The following EPHA7 variants were observed in gnomAD, a reference collection of about 807,000 sequenced individuals.
EPHA7 encodes EPH receptor A7, also known as ephrin type-A receptor 7.
A neutral mutation model predicts 112.6 loss-of-function variants in EPHA7; 25 were observed. The observed-to-expected ratio is 0.22, with a 90% CI of 0.16 to 0.31. The LOEUF (loss-of-function observed/expected upper bound fraction) is 0.31. Ranked by LOEUF, EPHA7 falls within the 10% of genes least tolerant of loss-of-function variation. The pLI is 1.00. For synonymous variants in EPHA7, 437 were observed against 406.5 expected, an observed-to-expected ratio of 1.07 and a Z score of -0.90; for missense variants, 962 against 1,212.6, an observed-to-expected ratio of 0.79 and a Z score of 3.07.
Position 93,255,874 on chromosome 6 carries a change from A to T in EPHA7, c.2336T>A (p.Leu779Gln). 1 of 1,614,122 alleles carries T rather than the reference A, an allele frequency of 6.2e-7. No homozygotes were observed. The highest frequency in any genetic ancestry group is 8.5e-7 in the Non-Finnish European group (1 of 1,180,006). The part of the protein sequence containing the change: ...NLVCKVSDFG[L>Q]SRVIEDDPEA... ...TGGATCATCCTCTATAACTCGGGACAGGCCAAAATCTGACACTTTACAAAC... is the reference window on the plus strand; with the variant it reads ...TGGATCATCCTCTATAACTCGGGACTGGCCAAAATCTGACACTTTACAAAC... The change falls in exon 13 of 17, where the codon CTG (leucine) becomes CAG (glutamine). Residue 779 changes from leucine to glutamine, a missense_variant. Transcript: ENST00000369303.
chr6:93,254,370 ATTATCT>A (rs1208907433), intron 14 of EPHA7, among the ~76,000 whole-genome samples: 3 of 152,108 alleles, frequency 2.0e-5, no homozygotes, highest in Non-Finnish European at 4.4e-5. Flanking sequence ...GTGTGGAAAC[ATTATCT>A]TTATTAAGGA....
At chr6:93,373,031 A>G (rs1386276) in intron 3 of EPHA7, among the ~76,000 whole-genome samples, 5,632 of 152,106 alleles carry the variant, frequency 0.037, 200 homozygotes, top group East Asian at 0.17. Context: ...TATGTCTTCA[A>G]CAATTGTCAA....
At chr6:93,405,379 A>T (rs2127991260) in intron 3 of EPHA7, among the ~76,000 whole-genome samples, 1 of 151,934 alleles carries the variant, frequency 6.6e-6, no homozygotes, top group East Asian at 1.9e-4. Flanking sequence ...TATGTAAAAT[A>T]TTTTTTAATT....
At chr6:93,363,890 TA>T (rs1776373891) in intron 3 of EPHA7, among the ~76,000 whole-genome samples, 1 of 152,084 alleles carries the variant, frequency 6.6e-6, no homozygotes, top group Admixed American at 6.6e-5. Context: ...TACAGACACA[TA>T]AAACAACATG....
At chr6:93,376,837 T>C (rs1777083980) in intron 3 of EPHA7, among the ~76,000 whole-genome samples, 1 of 152,176 alleles carries the variant, frequency 6.6e-6, no homozygotes, top group African/African-American at 2.4e-5. Flanking sequence ...CTTTCTTTTC[T>C]TAAGTTCTCA....
At chr6:93,412,709 G>A (rs1779036482) in intron 2 of EPHA7, among the ~76,000 whole-genome samples, 1 of 151,970 alleles carries the variant, frequency 6.6e-6, no homozygotes, top group Non-Finnish European at 1.5e-5. Context: ...TAATTAGATT[G>A]AAATTGCTGA....
chr6:93,352,983 GGCA>G (rs1775770033), intron 5 of EPHA7, among the ~76,000 whole-genome samples: 1 of 151,892 alleles, frequency 6.6e-6, no homozygotes, highest in African/African-American at 2.4e-5. Context: ...ATAACAAATG[GGCA>G]GTAGGCTTAA....
chr6:93,297,102 T>A (rs1457716817), intron 5 of EPHA7, among the ~76,000 whole-genome samples: 2 of 151,982 alleles, frequency 1.3e-5, no homozygotes, highest in Non-Finnish European at 2.9e-5. Flanking sequence ...AATAAAAATA[T>A]AATCATGCTT....
intron 5 of EPHA7, among the ~76,000 whole-genome samples, chr6:93,318,476 A>G (rs1043810269): frequency 6.6e-6 from 1 of 152,130 alleles, no homozygotes; most frequent in African/African-American, 2.4e-5. Flanking sequence ...AATGAGAAAA[A>G]GACAGGTAAT....
intron 3 of EPHA7, among the ~76,000 whole-genome samples, chr6:93,364,493 C>T (rs993238012): frequency 1.0e-4 from 15 of 144,006 alleles, no homozygotes; most frequent in Non-Finnish European, 2.2e-4. Context: ...CACTGCACTC[C>T]ATCCAGCGTG....
intron 5 of EPHA7, among the ~76,000 whole-genome samples, chr6:93,327,832 TAA>T (rs766581003): frequency 1.3e-5 from 2 of 151,538 alleles, no homozygotes; most frequent in East Asian, 3.9e-4. Context: ...TAGCTATTCT[TAA>T]CACAGCAGCG....
chr6:93,398,231 G>T (rs571746578), intron 3 of EPHA7, among the ~76,000 whole-genome samples: 1 of 151,904 alleles, frequency 6.6e-6, no homozygotes, highest in African/African-American at 2.4e-5. Context: ...AACTACTTCA[G>T]CTTTCAGAAA....
intron 9 of EPHA7, chr6:93,260,424 AAGAT>A (rs1770635001): frequency 1.8e-6 from 1 of 551,426 alleles, no homozygotes; most frequent in Non-Finnish European, 2.3e-6. Flanking sequence ...AGACAAAGAT[AAGAT>A]AGATAGGCAT....
At chr6:93,405,799 GTGTGTGTGTGTGTGTATATATA>G (rs1249211946) in intron 3 of EPHA7, among the ~76,000 whole-genome samples, 26 of 68,878 alleles carry the variant, frequency 3.8e-4, no homozygotes, top group African/African-American at 7.1e-4. Context: ...GTGTGTGTGT[GTGTGTGTGTGTGTGTATATATA>G]TATATATATA....
intron 1 of EPHA7, 103 bp downstream of exon 1, chr6:93,419,142 C>T (rs577519966): frequency 8.3e-5 from 77 of 932,736 alleles, no homozygotes; most frequent in Non-Finnish European, 1.0e-4. Flanking sequence ...GAGGGTCGCC[C>T]GGCGCCGGAG....
chr6:93,253,598 C>T (rs1770310915), intron 14 of EPHA7, among the ~76,000 whole-genome samples: 1 of 152,050 alleles, frequency 6.6e-6, no homozygotes, highest in African/African-American at 2.4e-5. Flanking sequence ...AAAACTCCTT[C>T]ATCAATTTGT....
chr6:93,308,917 C>T (rs1773392758), intron 5 of EPHA7, among the ~76,000 whole-genome samples: 2 of 150,832 alleles, frequency 1.3e-5, no homozygotes. Flanking sequence ...AAAGCCCCAA[C>T]TAGTTTGACA....
At chr6:93,257,998 A>T in intron 11 of EPHA7, 101 bp downstream of exon 11, 1 of 1,131,172 alleles carries the variant, frequency 8.8e-7, no homozygotes, top group Non-Finnish European at 1.3e-6. Flanking sequence ...ATTCATTTAG[A>T]CTGTGCAACA....
intron 6 of EPHA7, among the ~76,000 whole-genome samples, chr6:93,271,800 G>C (rs1771234333): frequency 6.6e-6 from 1 of 151,732 alleles, no homozygotes; most frequent in African/African-American, 2.4e-5. Context: ...ATTTAAAGGA[G>C]TGAAATAACA....
Sources: allele counts gnomAD v4.1 joint callset (sites outside exome capture counted in the v4.1 genomes callset), GRCh38; gene constraint gnomAD v4.1.1; transcripts MANE v1.5; gene names NCBI Gene and HGNC (gene_info 2026-07-23, HGNC 2026-07-21).